BAZ2B: variants seen among roughly 807,000 people sequenced by gnomAD.
The protein encoded by BAZ2B is bromodomain adjacent to zinc finger domain 2B, also known as bromodomain adjacent to zinc finger domain protein 2B.
BAZ2B carries 91 observed loss-of-function variants against 246.0 expected under a neutral mutation model. That is an observed-to-expected ratio of 0.37 (90% CI 0.31 to 0.44). The LOEUF (loss-of-function observed/expected upper bound fraction) is 0.44. Among genes scored for constraint, BAZ2B ranks in the 20% least tolerant of loss-of-function variants. The pLI is 1.00. For missense variants in BAZ2B, 2,332 were observed against 2,533.7 expected (o/e 0.92, Z 1.71); for synonymous variants, 855 against 860.0 (o/e 0.99, Z 0.10).
At chr2:159,643,607 G>T in the BAZ2B span, among the ~76,000 whole-genome samples, 1 of 152,112 alleles carries the variant, frequency 6.6e-6, no homozygotes, top group Non-Finnish European at 1.5e-5. Flanking sequence ...TGGTGCGGTG[G>T]CTCATGCCTG....
At chr2:159,574,942 C>G (rs938634452) in intron 1 of BAZ2B, among the ~76,000 whole-genome samples, 1 of 151,684 alleles carries the variant, frequency 6.6e-6, no homozygotes, top group East Asian at 1.9e-4. Context: ...TGCATTCCAG[C>G]CTGGGTAACA....
the BAZ2B span, among the ~76,000 whole-genome samples, chr2:159,627,649 G>C: frequency 7.9e-5 from 12 of 152,076 alleles, no homozygotes; most frequent in African/African-American, 2.9e-4. Context: ...CAATGAACTA[G>C]GTATTGATGA....
At chr2:159,447,693 ATG>A (rs1330579906) in intron 5 of BAZ2B, among the ~76,000 whole-genome samples, 1 of 152,212 alleles carries the variant, frequency 6.6e-6, no homozygotes, top group African/African-American at 2.4e-5. Flanking sequence ...CCACATCCAT[ATG>A]TAAGTAGTAT....
At chr2:159,654,046 T>C in the BAZ2B span, among the ~76,000 whole-genome samples, 1 of 152,192 alleles carries the variant, frequency 6.6e-6, no homozygotes. Flanking sequence ...AAAATCTTAG[T>C]GGAATTTTTC....
intron 31 of BAZ2B, 92 bp downstream of exon 31, chr2:159,347,394 T>C: frequency 7.4e-7 from 1 of 1,349,886 alleles, no homozygotes; most frequent in Non-Finnish European, 1.0e-6. Context: ...ATAAAAACAT[T>C]TAGCACATTA....
At chr2:159,390,368 T>G (rs2063184392) in intron 20 of BAZ2B, among the ~76,000 whole-genome samples, 1 of 152,156 alleles carries the variant, frequency 6.6e-6, no homozygotes, top group South Asian at 2.1e-4. Flanking sequence ...CTATTCCTGA[T>G]GAACATTTAT....
At chr2:159,487,810 G>C (rs1478535875) in intron 2 of BAZ2B, among the ~76,000 whole-genome samples, 1 of 151,098 alleles carries the variant, frequency 6.6e-6, no homozygotes, top group Admixed American at 6.6e-5. Flanking sequence ...TTAAAAAAAT[G>C]AACAAAGCTT....
At chr2:159,397,719 A>G (rs1469409519) in intron 18 of BAZ2B, among the ~76,000 whole-genome samples, 1 of 152,222 alleles carries the variant, frequency 6.6e-6, no homozygotes, top group Non-Finnish European at 1.5e-5. Context: ...CTAGATGGTC[A>G]GAGCCTATCA....
At chr2:159,420,462 T>C (rs1485460816) in intron 13 of BAZ2B, among the ~76,000 whole-genome samples, 1 of 152,204 alleles carries the variant, frequency 6.6e-6, no homozygotes, top group Non-Finnish European at 1.5e-5. Flanking sequence ...TGCTTCTTCT[T>C]TGCATCTTTC....
At chr2:159,331,629 G>A (rs572674488) in intron 34 of BAZ2B, among the ~76,000 whole-genome samples, 22 of 152,214 alleles carry the variant, frequency 1.4e-4, no homozygotes, top group South Asian at 8.3e-4. Context: ...TGCTCGCCTC[G>A]GCCTCCCAAA....
the BAZ2B span, among the ~76,000 whole-genome samples, chr2:159,704,549 C>A: frequency 7.3e-6 from 1 of 136,198 alleles, no homozygotes; most frequent in Non-Finnish European, 1.5e-5. Context: ...ATGGTGCAAT[C>A]TCAGCTCACT....
chr2:159,512,235 TTAAG>T (rs1239927761), intron 2 of BAZ2B, among the ~76,000 whole-genome samples: 1 of 152,228 alleles, frequency 6.6e-6, no homozygotes, highest in Admixed American at 6.5e-5. Context: ...TGACTTGCTC[TTAAG>T]TATCTTTAAA....
chr2:159,460,752 A>G (rs1210185228), intron 3 of BAZ2B: 1 of 152,134 alleles, frequency 6.6e-6, no homozygotes, highest in Non-Finnish European at 1.5e-5. Flanking sequence ...TAAAATTCTT[A>G]AGTATATTAA....
intron 1 of BAZ2B, among the ~76,000 whole-genome samples, chr2:159,579,735 T>A (rs1194967429): frequency 2.0e-5 from 3 of 152,182 alleles, no homozygotes; most frequent in African/African-American, 4.8e-5. Context: ...CACATTGGCT[T>A]CATCCCTGGG....
At chr2:159,593,464 GT>G (rs1335856313) in intron 1 of BAZ2B, among the ~76,000 whole-genome samples, 1 of 152,144 alleles carries the variant, frequency 6.6e-6, no homozygotes, top group African/African-American at 2.4e-5. Flanking sequence ...TTTGGGGGTT[GT>G]TTTTTGTGGT....
At chr2:159,683,022 T>A in the BAZ2B span, among the ~76,000 whole-genome samples, 1 of 151,946 alleles carries the variant, frequency 6.6e-6, no homozygotes, top group Non-Finnish European at 1.5e-5. Context: ...GTGTAAGAAT[T>A]CGGAGTGCAT....
At chr2:159,380,536 G>A (rs1310118277) in intron 25 of BAZ2B, among the ~76,000 whole-genome samples, 1 of 152,148 alleles carries the variant, frequency 6.6e-6, no homozygotes, top group Non-Finnish European at 1.5e-5. Flanking sequence ...AGGCCTGATT[G>A]GTATCCTCTG....
At chr2:159,621,820 T>C in the BAZ2B span, among the ~76,000 whole-genome samples, 1 of 151,470 alleles carries the variant, frequency 6.6e-6, no homozygotes, top group South Asian at 2.1e-4. Flanking sequence ...TAAAATTAGC[T>C]AGGTGCCGGG....
intron 9 of BAZ2B, among the ~76,000 whole-genome samples, 162 bp from the exon 10 acceptor site, chr2:159,431,318 T>C (rs1212797194): frequency 6.6e-6 from 1 of 152,206 alleles, no homozygotes; most frequent in East Asian, 1.9e-4. Flanking sequence ...GAGAACAGTG[T>C]ATTTAGGCTA....
Sources: allele counts gnomAD v4.1 joint callset (sites outside exome capture counted in the v4.1 genomes callset), GRCh38; gene constraint gnomAD v4.1.1; transcripts MANE v1.5; gene names NCBI Gene and HGNC (gene_info 2026-07-23, HGNC 2026-07-21).